The following AASS variants were observed in gnomAD, a reference collection of about 807,000 sequenced individuals.
The protein encoded by AASS is alpha-aminoadipic semialdehyde synthase, mitochondrial.
Under a neutral mutation model 105.4 loss-of-function variants are expected in AASS, and 86 were observed. The ratio of observed to expected loss-of-function variants is 0.82; its 90% CI spans 0.69 to 0.98. AASS has a LOEUF of 0.98. Ranked by LOEUF, AASS falls within the 50% of genes least tolerant of loss-of-function variation. The pLI is 0.00. For missense variants in AASS, 1,048 were observed against 1,143.2 expected (o/e 0.92, Z 1.20); for synonymous variants, 381 against 394.8 (o/e 0.96, Z 0.41).
chr7:122,094,918 T>C (rs1372503726), intron 15 of AASS, among the ~76,000 whole-genome samples: 2 of 152,000 alleles, frequency 1.3e-5, no homozygotes, highest in African/African-American at 4.8e-5. Flanking sequence ...GATGTGAAGG[T>C]AAAAAGAACA....
At chr7:122,081,778 C>G in intron 19 of AASS, 183 bp from the exon 20 acceptor site, 1 of 593,666 alleles carries the variant, frequency 1.7e-6, no homozygotes, top group South Asian at 2.1e-5. Context: ...ACTAGAAACC[C>G]CTCCCCACAA....
intron 1 of AASS, among the ~76,000 whole-genome samples, chr7:122,140,614 T>G (rs879767514): frequency 7.2e-5 from 11 of 152,116 alleles, no homozygotes; most frequent in Non-Finnish European, 1.0e-4. Context: ...TGTTCCAACT[T>G]TAATCCCCAC....
At chr7:122,104,599 C>T (rs1255863774) in intron 11 of AASS, among the ~76,000 whole-genome samples, 1 of 152,026 alleles carries the variant, frequency 6.6e-6, no homozygotes, top group East Asian at 1.9e-4. Context: ...CAAAAATAAA[C>T]AAACAATGAA....
At chr7:122,102,955 C>T (rs1794500163) in intron 11 of AASS, among the ~76,000 whole-genome samples, 1 of 151,484 alleles carries the variant, frequency 6.6e-6, no homozygotes, top group African/African-American at 2.4e-5. Context: ...ATGGAATTAA[C>T]AAAAATGATT....
chr7:122,127,531 C>T (rs1040288369), intron 3 of AASS, among the ~76,000 whole-genome samples: 14 of 151,860 alleles, frequency 9.2e-5, no homozygotes, highest in Admixed American at 7.2e-4. Flanking sequence ...TTTATAATTA[C>T]TTTATTTGCT....
intron 8 of AASS, 130 bp from the exon 9 acceptor site, chr7:122,115,352 C>T (rs1795117758): frequency 1.4e-5 from 17 of 1,223,732 alleles, no homozygotes; most frequent in Non-Finnish European, 2.0e-5. Context: ...TCTTATTGTC[C>T]ATGTCAGTGT....
At chr7:122,133,253 C>A (rs1795990621) in intron 2 of AASS, among the ~76,000 whole-genome samples, 1 of 152,150 alleles carries the variant, frequency 6.6e-6, no homozygotes, top group African/African-American at 2.4e-5. Context: ...AAGGAGCATT[C>A]TCTGGGTGCA....
At chr7:122,117,067 T>C (rs546080142) in intron 6 of AASS, 110 bp from the exon 7 acceptor site, 23 of 980,742 alleles carry the variant, frequency 2.3e-5, no homozygotes, top group Non-Finnish European at 3.5e-5. Flanking sequence ...CCACTTGCCT[T>C]CCCTACAACC....
intron 4 of AASS, among the ~76,000 whole-genome samples, chr7:122,119,189 A>T (rs1795327239): frequency 6.6e-6 from 1 of 152,148 alleles, no homozygotes. Flanking sequence ...GCCCCTCAGC[A>T]TCCCAACTTG....
chr7:122,097,338 G>A (rs1433247060), intron 15 of AASS, among the ~76,000 whole-genome samples: 2 of 151,834 alleles, frequency 1.3e-5, no homozygotes, highest in Non-Finnish European at 2.9e-5. Flanking sequence ...TCATCACTTT[G>A]ACATTTCAAA....
chr7:122,080,871 C>T (rs902594328), intron 20 of AASS, among the ~76,000 whole-genome samples: 4 of 152,160 alleles, frequency 2.6e-5, no homozygotes, highest in Non-Finnish European at 5.9e-5. Context: ...ACATTTCTGG[C>T]ATTTCTACTG....
chr7:122,111,154 T>A (rs891811563), intron 11 of AASS, among the ~76,000 whole-genome samples: 7 of 152,142 alleles, frequency 4.6e-5, no homozygotes, highest in African/African-American at 1.7e-4. Context: ...GTTGGAAGTA[T>A]GAGATGAACA....
chr7:122,096,761 T>C (rs1794173183), intron 15 of AASS, among the ~76,000 whole-genome samples: 1 of 152,158 alleles, frequency 6.6e-6, no homozygotes, highest in Admixed American at 6.6e-5. Flanking sequence ...CTAAATCCTA[T>C]TGAAGGCCAC....
At chr7:122,127,467 T>A (rs888915119) in intron 3 of AASS, among the ~76,000 whole-genome samples, 6 of 152,160 alleles carry the variant, frequency 3.9e-5, no homozygotes, top group Admixed American at 6.5e-5. Flanking sequence ...CAGTTTTTTT[T>A]AATTTTCTTA....
chr7:122,113,923 CA>C (rs776611119), intron 9 of AASS, among the ~76,000 whole-genome samples: 205 of 56,254 alleles, frequency 3.6e-3, no homozygotes, highest in Admixed American at 6.7e-3. Flanking sequence ...TTTTAGTCTC[CA>C]AAAAAAAAAA....
chr7:122,107,576 GAA>G (rs2150529094), intron 11 of AASS, among the ~76,000 whole-genome samples: 1 of 152,206 alleles, frequency 6.6e-6, no homozygotes, highest in Admixed American at 6.5e-5. Context: ...CCATAAAAAA[GAA>G]TGAGATCATG....
intron 4 of AASS, among the ~76,000 whole-genome samples, chr7:122,123,313 T>A (rs1323449245): frequency 2.6e-5 from 4 of 152,224 alleles, no homozygotes; most frequent in African/African-American, 9.6e-5. Context: ...CATTTCCATA[T>A]TCATACCATC....
intron 18 of AASS, among the ~76,000 whole-genome samples, chr7:122,090,960 G>A (rs1168819525): frequency 6.6e-6 from 1 of 151,748 alleles, no homozygotes; most frequent in Non-Finnish European, 1.5e-5. Context: ...CCTTCACCAA[G>A]GCCAATTAAA....
intron 4 of AASS, among the ~76,000 whole-genome samples, chr7:122,125,755 G>A (rs900675103): frequency 1.3e-5 from 2 of 151,328 alleles, no homozygotes; most frequent in Non-Finnish European, 2.9e-5. Flanking sequence ...ATATTTAGAA[G>A]CACAGGTCTG....
Sources: gnomAD v4.1 joint callset for allele counts (sites outside exome capture counted in the v4.1 genomes callset) on GRCh38, gnomAD v4.1.1 for gene constraint, MANE v1.5 for transcripts, NCBI Gene and HGNC (gene_info 2026-07-23, HGNC 2026-07-21) for gene names.